Variants in DYNC1I1 observed in about 807,000 individuals in gnomAD.
DYNC1I1 encodes dynein cytoplasmic 1 intermediate chain 1.
In DYNC1I1, 43 loss-of-function variants were observed where a neutral mutation model predicts 86.6. The observed-to-expected ratio is 0.50, with a 90% CI of 0.39 to 0.64. DYNC1I1 has a LOEUF of 0.64. DYNC1I1 is among the 30% of genes least tolerant of loss of function. The pLI is 0.00. For synonymous variants in DYNC1I1, 262 were observed against 283.7 expected, an observed-to-expected ratio of 0.92 and a Z score of 0.77; for missense variants, 604 against 788.8, an observed-to-expected ratio of 0.77 and a Z score of 2.81.
chr7:95,893,235 T>C (rs1790790800), intron 6 of DYNC1I1, among the ~76,000 whole-genome samples: 4 of 152,118 alleles, frequency 2.6e-5, no homozygotes, highest in Admixed American at 2.6e-4. Context: ...AATTCAACTA[T>C]TATGTGAAGA....
chr7:96,002,342 A>G (rs1024930531), intron 10 of DYNC1I1, among the ~76,000 whole-genome samples: 2 of 152,180 alleles, frequency 1.3e-5, no homozygotes, highest in Admixed American at 1.3e-4. Context: ...CAACTATTTA[A>G]CCATTTGTTT....
chr7:95,982,365 T>G (rs1297855712), intron 7 of DYNC1I1, among the ~76,000 whole-genome samples: 2 of 152,184 alleles, frequency 1.3e-5, no homozygotes, highest in Non-Finnish European at 2.9e-5. Context: ...TCATAATATC[T>G]GGAGAGGCTA....
chr7:96,025,734 A>G (rs769106033), intron 10 of DYNC1I1, among the ~76,000 whole-genome samples: 4 of 151,974 alleles, frequency 2.6e-5, no homozygotes, highest in Non-Finnish European at 5.9e-5. Context: ...TTCTCACTCT[A>G]TGGGGTTGGG....
intron 16 of DYNC1I1, among the ~76,000 whole-genome samples, chr7:96,109,182 T>C (rs1791266339): frequency 1.3e-5 from 2 of 152,030 alleles, no homozygotes; most frequent in South Asian, 4.1e-4. Flanking sequence ...TTTGATTTTA[T>C]TGTTTCTTAT....
intron 14 of DYNC1I1, among the ~76,000 whole-genome samples, chr7:96,044,010 T>C (rs983357886): frequency 1.3e-5 from 2 of 152,220 alleles, no homozygotes; most frequent in Non-Finnish European, 2.9e-5. Context: ...GTCTGGCCAA[T>C]AATTGTTATG....
chr7:96,045,277 A>T (rs1040278568), intron 14 of DYNC1I1, among the ~76,000 whole-genome samples: 2 of 152,210 alleles, frequency 1.3e-5, no homozygotes, highest in Non-Finnish European at 2.9e-5. Context: ...AATCATTCCA[A>T]GTGATTTTTT....
At chr7:95,877,090 A>G (rs1790329138) in intron 6 of DYNC1I1, among the ~76,000 whole-genome samples, 1 of 152,204 alleles carries the variant, frequency 6.6e-6, no homozygotes, top group Non-Finnish European at 1.5e-5. Context: ...TGGATGCAGC[A>G]GAAAACACAG....
chr7:96,032,714 C>T lies in DYNC1I1; in HGVS notation c.1164C>T (p.Asn388=). 1.9e-6 allele frequency: 3 copies of T among 1,613,762 alleles called. No individual in the cohort carries two copies. Among genetic ancestry groups the T allele is most frequent in the Non-Finnish European group, 2.5e-6 (3 of 1,179,742 alleles). ...VNVVGTQNAH[N]LITVSTDGKM... The stretch of plus-strand genomic sequence containing the variant: ...TTGTTGGGACCCAGAATGCTCATAA[C>T]CTCATCACTGTCTCCACTGATGGCA... Residue 388 remains asparagine, a synonymous_variant, in exon 12 of 17, where the codon AAC becomes AAT. Transcript: ENST00000447467.
intron 6 of DYNC1I1, among the ~76,000 whole-genome samples, chr7:95,929,218 T>G (rs1339292695): frequency 6.6e-6 from 1 of 152,132 alleles, no homozygotes; most frequent in Non-Finnish European, 1.5e-5. Context: ...AGAATATCCC[T>G]TTCCTTCACC....
intron 6 of DYNC1I1, among the ~76,000 whole-genome samples, chr7:95,897,248 C>T (rs1381689142): frequency 1.3e-5 from 2 of 152,122 alleles, no homozygotes; most frequent in Admixed American, 1.3e-4. Flanking sequence ...AAGTCCTGAG[C>T]CCCCTTTGAA....
chr7:95,796,003 A>G (rs1212586394), intron 1 of DYNC1I1, among the ~76,000 whole-genome samples: 1 of 151,700 alleles, frequency 6.6e-6, no homozygotes, highest in East Asian at 1.9e-4. Context: ...AGGTCTGTAA[A>G]AATCACCCTT....
At chr7:95,957,697 C>T (rs1792754426) in intron 6 of DYNC1I1, among the ~76,000 whole-genome samples, 1 of 152,162 alleles carries the variant, frequency 6.6e-6, no homozygotes, top group Admixed American at 6.5e-5. Context: ...TTGGGAGGAG[C>T]AGTCGGAGCC....
At chr7:95,869,749 C>A in intron 5 of DYNC1I1, 134 bp from the exon 6 acceptor site, 1 of 867,968 alleles carries the variant, frequency 1.2e-6, no homozygotes, top group Non-Finnish European at 1.8e-6. Flanking sequence ...AGTTCTGCTT[C>A]ATGACCCTGC....
chr7:95,861,802 T>A lies in DYNC1I1; in HGVS notation c.375-8081T>A, dbSNP rs557507385. Among the ~76,000 whole-genome samples the A allele has an allele frequency of 3.3e-5, 5 of 152,310 alleles. No homozygotes were observed. The East Asian group carries it at 9.7e-4, about 29-fold the overall frequency. Reference sequence around the variant, plus strand: ...TGCGAAGGTGTTCTGAGAGCTTTCATAACCCCTGGGAAACTTGCAGGTGAT... The same window carrying A: ...TGCGAAGGTGTTCTGAGAGCTTTCAAAACCCCTGGGAAACTTGCAGGTGAT... On this transcript the variant is annotated intron_variant, in intron 5 of 16. Transcript: ENST00000447467.
At chr7:95,776,055 G>A (rs1238056068) in intron 1 of DYNC1I1, among the ~76,000 whole-genome samples, 5 of 152,164 alleles carry the variant, frequency 3.3e-5, no homozygotes, top group African/African-American at 1.2e-4. Context: ...AGACCAGGCT[G>A]GAGGCTCGTG....
intron 6 of DYNC1I1, among the ~76,000 whole-genome samples, chr7:95,896,301 C>G (rs1323279157): frequency 6.6e-6 from 1 of 152,168 alleles, no homozygotes; most frequent in Non-Finnish European, 1.5e-5. Context: ...AGAAATGTGC[C>G]AAGCTTGAGA....
At chr7:95,895,759 T>C (rs1026750242) in intron 6 of DYNC1I1, among the ~76,000 whole-genome samples, 1 of 152,216 alleles carries the variant, frequency 6.6e-6, no homozygotes, top group Non-Finnish European at 1.5e-5. Context: ...TAAAGTGATA[T>C]ATAACATAAC....
At chr7:95,956,505 T>G (rs1408464662) in intron 6 of DYNC1I1, among the ~76,000 whole-genome samples, 1 of 151,976 alleles carries the variant, frequency 6.6e-6, no homozygotes. Flanking sequence ...TCTACATTAG[T>G]TATTTCTCCT....
intron 4 of DYNC1I1, among the ~76,000 whole-genome samples, chr7:95,820,675 A>G (rs1405204354): frequency 2.0e-5 from 3 of 152,258 alleles, no homozygotes; most frequent in Admixed American, 1.3e-4. Flanking sequence ...TACTAAATTC[A>G]CTTGGTAGAG....
Sources: allele counts gnomAD v4.1 joint callset (sites outside exome capture counted in the v4.1 genomes callset), GRCh38; gene constraint gnomAD v4.1.1; transcripts MANE v1.5; gene names NCBI Gene and HGNC (gene_info 2026-07-23, HGNC 2026-07-21).